The following ARSB variants were observed in gnomAD, a reference collection of about 807,000 sequenced individuals.
The protein encoded by ARSB is N-acetylgalactosamine-4-sulfatase.
In ARSB, 41 loss-of-function variants were observed where a neutral mutation model predicts 50.9. The ratio of observed to expected loss-of-function variants is 0.81; its 90% CI spans 0.63 to 1.04. The LOEUF (loss-of-function observed/expected upper bound fraction) is 1.04. Among genes scored for constraint, ARSB ranks in the 50% least tolerant of loss-of-function variants. ARSB has a pLI of 0.00. For missense variants in ARSB, 672 were observed against 693.3 expected (o/e 0.97, Z 0.35); for synonymous variants, 269 against 284.8 (o/e 0.94, Z 0.56).
chr5:78,905,921 A>AG (rs1749044804), intron 4 of ARSB, among the ~76,000 whole-genome samples: 2 of 79,288 alleles, frequency 2.5e-5, no homozygotes, highest in African/African-American at 8.6e-5. Context: ...AAAAAAAAAA[A>AG]AAAAAAAAAA....
intron 3 of ARSB, among the ~76,000 whole-genome samples, chr5:78,957,245 C>A (rs944657960): frequency 2.6e-5 from 4 of 152,140 alleles, no homozygotes; most frequent in African/African-American, 9.7e-5. Context: ...GCATTTAAAT[C>A]TCATAAATGA....
chr5:78,889,404 G>T (rs1205267364), intron 4 of ARSB, among the ~76,000 whole-genome samples: 1 of 152,082 alleles, frequency 6.6e-6, no homozygotes, highest in Non-Finnish European at 1.5e-5. Context: ...ATATTCAAGA[G>T]AAATTTTTGT....
intron 6 of ARSB, among the ~76,000 whole-genome samples, chr5:78,801,264 G>T (rs1743383989): frequency 6.6e-6 from 1 of 152,152 alleles, no homozygotes; most frequent in Non-Finnish European, 1.5e-5. Context: ...CTCTGTCACT[G>T]GAAGGGGATA....
chr5:78,895,676 G>A (rs1748531312), intron 4 of ARSB, among the ~76,000 whole-genome samples: 1 of 152,160 alleles, frequency 6.6e-6, no homozygotes, highest in Non-Finnish European at 1.5e-5. Context: ...CATCTCCACT[G>A]GAATGATGTT....
At chr5:78,963,236 T>A (rs936260835) in intron 3 of ARSB, among the ~76,000 whole-genome samples, 1 of 152,250 alleles carries the variant, frequency 6.6e-6, no homozygotes, top group Admixed American at 6.5e-5. Context: ...CCTTCCATTA[T>A]GACTGGAAGC....
chr5:78,951,510 CA>C (rs1024208347), intron 4 of ARSB, among the ~76,000 whole-genome samples: 2 of 150,664 alleles, frequency 1.3e-5, no homozygotes, highest in Non-Finnish European at 3.0e-5. Context: ...AGAAAAAGGA[CA>C]AAAAAAATGA....
At chr5:78,841,075 C>A (rs1745176528) in intron 5 of ARSB, among the ~76,000 whole-genome samples, 1 of 151,586 alleles carries the variant, frequency 6.6e-6, no homozygotes, top group East Asian at 1.9e-4. Context: ...TGGGAGGATC[C>A]CTTGAGGCCA....
intron 6 of ARSB, among the ~76,000 whole-genome samples, chr5:78,795,187 T>C (rs1006455973): frequency 6.6e-6 from 1 of 152,210 alleles, no homozygotes; most frequent in African/African-American, 2.4e-5. Context: ...TTTCAAACTT[T>C]TAAGGACAAA....
chr5:78,876,546 T>C (rs1341821711), intron 5 of ARSB, among the ~76,000 whole-genome samples: 1 of 152,172 alleles, frequency 6.6e-6, no homozygotes, highest in East Asian at 1.9e-4. Context: ...TTTACTGCCT[T>C]GAGAGAATTT....
chr5:78,844,992 A>G (rs575833881), intron 5 of ARSB, among the ~76,000 whole-genome samples: 1 of 152,100 alleles, frequency 6.6e-6, no homozygotes, highest in South Asian at 2.1e-4. Flanking sequence ...CTCCTATTTA[A>G]TTGTACTTTT....
chr5:78,784,650 T>C (rs1038206947), intron 6 of ARSB, among the ~76,000 whole-genome samples: 1 of 152,210 alleles, frequency 6.6e-6, no homozygotes, highest in Non-Finnish European at 1.5e-5. Flanking sequence ...GGAATTTGTG[T>C]AGTACATGTG....
At chr5:78,819,923 G>C (rs1744143760) in intron 6 of ARSB, among the ~76,000 whole-genome samples, 1 of 152,256 alleles carries the variant, frequency 6.6e-6, no homozygotes, top group Non-Finnish European at 1.5e-5. Context: ...GCTATGGTTT[G>C]TTGCTCCAAA....
intron 6 of ARSB, among the ~76,000 whole-genome samples, chr5:78,827,442 C>G (rs1298376532): frequency 6.6e-6 from 1 of 152,126 alleles, no homozygotes; most frequent in Admixed American, 6.5e-5. Context: ...AGCTCCTGGC[C>G]TCATGCAATC....
At chr5:78,905,783 C>T (rs1247745521) in intron 4 of ARSB, among the ~76,000 whole-genome samples, 3 of 151,956 alleles carry the variant, frequency 2.0e-5, no homozygotes, top group African/African-American at 7.3e-5. Flanking sequence ...GATCCACCCC[C>T]AACCTCCGCT....
At chr5:78,910,204 G>A (rs532975056) in intron 4 of ARSB, among the ~76,000 whole-genome samples, 13 of 152,186 alleles carry the variant, frequency 8.5e-5, no homozygotes, top group Admixed American at 3.3e-4. Flanking sequence ...GAGGAAACCC[G>A]GGGACCGGTG....
intron 7 of ARSB, 140 bp from the exon 8 acceptor site, chr5:78,780,802 A>T (rs578078970): frequency 9.8e-7 from 1 of 1,023,418 alleles, no homozygotes; most frequent in Non-Finnish European, 1.5e-6. Flanking sequence ...TGCTGTCTCT[A>T]GATGCTTCTC....
intron 4 of ARSB, among the ~76,000 whole-genome samples, chr5:78,926,174 C>T (rs146721327): frequency 2.0e-5 from 3 of 152,160 alleles, no homozygotes; most frequent in South Asian, 2.1e-4. Context: ...ACTTTTCTTC[C>T]GGCCATAATC....
At chr5:78,797,015 C>T (rs2112639512) in intron 6 of ARSB, among the ~76,000 whole-genome samples, 1 of 151,706 alleles carries the variant, frequency 6.6e-6, no homozygotes, top group South Asian at 2.1e-4. Flanking sequence ...GTAGCTGGGA[C>T]TACAGGCGCC....
At chr5:78,877,592 T>C (rs746680168) in intron 5 of ARSB, among the ~76,000 whole-genome samples, 7 of 152,158 alleles carry the variant, frequency 4.6e-5, no homozygotes, top group Non-Finnish European at 1.0e-4. Context: ...TTTCACCATG[T>C]TGGCCAGGAT....
Sources: allele counts gnomAD v4.1 joint callset (sites outside exome capture counted in the v4.1 genomes callset), GRCh38; gene constraint gnomAD v4.1.1; transcripts MANE v1.5; gene names NCBI Gene and HGNC (gene_info 2026-07-23, HGNC 2026-07-21).